The following POLB variants were observed in gnomAD, a reference collection of about 807,000 sequenced individuals.
POLB encodes the protein DNA polymerase beta.
A neutral mutation model predicts 52.7 loss-of-function variants in POLB; 37 were observed. That is an observed-to-expected ratio of 0.70 (90% confidence interval 0.54 to 0.92). POLB has a LOEUF of 0.92. Ranked by LOEUF, POLB falls within the 40% of genes least tolerant of loss-of-function variation. POLB has a pLI of 0.00. For synonymous variants in POLB, 138 were observed against 131.3 expected, an observed-to-expected ratio of 1.05 and a Z score of -0.35; for missense variants, 313 against 400.8, an observed-to-expected ratio of 0.78 and a Z score of 1.87.
chr8:42,348,435 A>G (rs1822765995), intron 3 of POLB, among the ~76,000 whole-genome samples: 1 of 152,214 alleles, frequency 6.6e-6, no homozygotes, highest in African/African-American at 2.4e-5. Context: ...ATATGTGGCT[A>G]GTGTACCATG....
intron 5 of POLB, among the ~76,000 whole-genome samples, chr8:42,352,154 C>G (rs1450306924): frequency 2.6e-5 from 4 of 152,192 alleles, no homozygotes; most frequent in South Asian, 2.1e-4. Flanking sequence ...ACTATTGTCT[C>G]TATCTACCCA....
At chr8:42,342,408 G>A (rs1294628187) in intron 2 of POLB, 12 of 1,439,856 alleles carry the variant, frequency 8.3e-6, no homozygotes, top group South Asian at 3.4e-5. Flanking sequence ...CATATGCTGC[G>A]CAGACTATCA....
intron 4 of POLB, among the ~76,000 whole-genome samples, chr8:42,349,546 A>G (rs890130891): frequency 1.1e-4 from 17 of 151,742 alleles, no homozygotes; most frequent in African/African-American, 4.1e-4. Flanking sequence ...CCGCCACCAC[A>G]CCCAGCTAAT....
In POLB at chr8:42,341,754, A is replaced by G. The variant is rs528849826; in HGVS notation, c.119+2685A>G. Reference sequence around the variant, plus strand: ...GTCTTTATCTGAAAAATCCTCGTAGAAAATTGTTTGGTTTAGCTCTCTGCA... The same window carrying G: ...GTCTTTATCTGAAAAATCCTCGTAGGAAATTGTTTGGTTTAGCTCTCTGCA... On this transcript the variant is annotated intron_variant, in intron 2 of 13. Transcript: ENST00000265421. 8.1e-4 allele frequency: 318 copies of G among 394,916 alleles called. 1 individual carries two copies. The highest frequency in any genetic ancestry group is 1.4e-3 in the Admixed American group (44 of 30,552). 24.5% of individuals were successfully genotyped at this position (394,916 alleles called of 1,614,324 possible).
At chr8:42,355,358 A>C (rs1031591144) in intron 6 of POLB, 158 bp from the exon 7 acceptor site, 1 of 587,042 alleles carries the variant, frequency 1.7e-6, no homozygotes. Flanking sequence ...ACTTTTATCT[A>C]GCTCTTCATA....
At chr8:42,341,303 G>T (rs1749632362) in intron 2 of POLB, among the ~76,000 whole-genome samples, 1 of 152,176 alleles carries the variant, frequency 6.6e-6, no homozygotes, top group Admixed American at 6.5e-5. Flanking sequence ...TTGCCTCACA[G>T]TGCCAATGAC....
chr8:42,371,353 C>T (rs1563411765), intron 13 of POLB, among the ~76,000 whole-genome samples: 1 of 151,970 alleles, frequency 6.6e-6, no homozygotes, highest in Non-Finnish European at 1.5e-5. Flanking sequence ...AAACTCCTGA[C>T]CTCAGGTGAT....
chr8:42,365,181 C>G (rs1204122160), intron 11 of POLB, among the ~76,000 whole-genome samples: 1 of 152,136 alleles, frequency 6.6e-6, no homozygotes, highest in Non-Finnish European at 1.5e-5. Flanking sequence ...TCATTAAGTT[C>G]AGCATGGTGA....
chr8:42,341,397 A>G (rs1433114516), intron 2 of POLB, among the ~76,000 whole-genome samples: 1 of 152,142 alleles, frequency 6.6e-6, no homozygotes, highest in Non-Finnish European at 1.5e-5. Flanking sequence ...GTCTTTTCAG[A>G]TTCATCATCA....
At chr8:42,370,174 C>T in intron 13 of POLB, 186 bp downstream of exon 13, 1 of 680,108 alleles carries the variant, frequency 1.5e-6, no homozygotes, top group Non-Finnish European at 2.7e-6. Context: ...CAGTTGAAGG[C>T]CATCAAGGCA....
chr8:42,351,425 G>T (rs1202634301), intron 5 of POLB, among the ~76,000 whole-genome samples: 1 of 152,170 alleles, frequency 6.6e-6, no homozygotes, highest in African/African-American at 2.4e-5. Context: ...CCAGACTATT[G>T]TGCTTGTATG....
At chr8:42,348,957 T>G in intron 3 of POLB, 59 bp from the exon 4 acceptor site, 1 of 899,072 alleles carries the variant, frequency 1.1e-6, no homozygotes, top group Non-Finnish European at 1.7e-6. Flanking sequence ...ACTTTATCTT[T>G]TAGTGATTTG....
intron 10 of POLB, among the ~76,000 whole-genome samples, 158 bp from the exon 11 acceptor site, chr8:42,362,454 A>G (rs920033374): frequency 6.6e-6 from 1 of 151,964 alleles, no homozygotes; most frequent in Non-Finnish European, 1.5e-5. Flanking sequence ...TGAGTCCAGG[A>G]GTTCAAGGCT....
intron 7 of POLB, 119 bp from the exon 8 acceptor site, chr8:42,357,050 C>T (rs1460581506): frequency 1.6e-5 from 10 of 629,150 alleles, no homozygotes; most frequent in Non-Finnish European, 2.8e-5. Context: ...TCATTCTAGC[C>T]TTGATTTGTG....
chr8:42,346,704 G>A (rs958713038), intron 3 of POLB, among the ~76,000 whole-genome samples: 16 of 152,084 alleles, frequency 1.1e-4, no homozygotes, highest in Admixed American at 3.3e-4. Flanking sequence ...CATAACTGCC[G>A]TTATATTTTT....
intron 13 of POLB, chr8:42,370,271 T>TG: frequency 2.2e-6 from 1 of 452,126 alleles, no homozygotes; most frequent in Non-Finnish European, 4.0e-6. Flanking sequence ...TTTTTTTTTT[T>TG]TTTTTTTTTT....
chr8:42,346,384 CTTTTTTT>C (rs549901516), intron 3 of POLB, among the ~76,000 whole-genome samples: 33 of 136,998 alleles, frequency 2.4e-4, no homozygotes, highest in South Asian at 4.7e-4. Flanking sequence ...TTTCTTTTTT[CTTTTTTT>C]TTTTTTGAGA....
intron 11 of POLB, among the ~76,000 whole-genome samples, chr8:42,363,174 T>C (rs1393910537): frequency 6.6e-6 from 1 of 151,438 alleles, no homozygotes; most frequent in Non-Finnish European, 1.5e-5. Context: ...TTCTCATAGC[T>C]ACTCTCAGAA....
At chr8:42,339,686 A>ACTACAGG (rs1209952365) in intron 2 of POLB, 1 of 151,294 alleles carries the variant, frequency 6.6e-6, no homozygotes, top group African/African-American at 2.4e-5. Flanking sequence ...GGCTGGGACT[A>ACTACAGG]CTACAGGCGC....
Sources: allele counts gnomAD v4.1 joint callset (sites outside exome capture counted in the v4.1 genomes callset), GRCh38; gene constraint gnomAD v4.1.1; transcripts MANE v1.5; gene names NCBI Gene and HGNC (gene_info 2026-07-23, HGNC 2026-07-21).